PTPN12: variants seen among roughly 807,000 people sequenced by gnomAD.
PTPN12 encodes the protein protein tyrosine phosphatase non-receptor type 12.
PTPN12 carries 29 observed loss-of-function variants against 97.6 expected under a neutral mutation model. The observed-to-expected ratio is 0.30, with a 90% CI of 0.22 to 0.41. The LOEUF is 0.41. PTPN12 is among the 10% of genes least tolerant of loss of function. The pLI is 1.00. For missense variants in PTPN12, 819 were observed against 926.0 expected (o/e 0.88, Z 1.50); for synonymous variants, 327 against 300.4 (o/e 1.09, Z -0.91).
At chr7:77,566,018 G>A (rs1324572364) in intron 1 of PTPN12, among the ~76,000 whole-genome samples, 1 of 152,218 alleles carries the variant, frequency 6.6e-6, no homozygotes, top group South Asian at 2.1e-4. Flanking sequence ...ATAGAACAAT[G>A]TGTTATGGAC....
intron 11 of PTPN12, among the ~76,000 whole-genome samples, chr7:77,617,366 CTG>C (rs1788787296): frequency 6.6e-6 from 1 of 152,120 alleles, no homozygotes; most frequent in African/African-American, 2.4e-5. Flanking sequence ...TGACATAACT[CTG>C]TTGTTCTTGT....
At chr7:77,609,396 C>G (rs944199166) in intron 9 of PTPN12, among the ~76,000 whole-genome samples, 2 of 150,542 alleles carry the variant, frequency 1.3e-5, no homozygotes, top group East Asian at 2.1e-4. Context: ...CTTAGTCTCC[C>G]GAGTAGCTGG....
chr7:77,590,788 TCCTTG>T (rs528716823), intron 5 of PTPN12, among the ~76,000 whole-genome samples: 263 of 152,204 alleles, frequency 1.7e-3, no homozygotes, highest in Non-Finnish European at 3.2e-3. Flanking sequence ...GGTCTTGAAC[TCCTTG>T]CCTTAAGTCA....
intron 8 of PTPN12, among the ~76,000 whole-genome samples, chr7:77,605,409 G>GTTTGTTTTTTTTTTTTTTT (rs1554321238): frequency 3.1e-5 from 3 of 95,558 alleles, no homozygotes; most frequent in African/African-American, 1.2e-4. Flanking sequence ...TTTGTCATGA[G>GTTTGTTTTTTTTTTTTTTT]TTTTTTTTTT....
At chr7:77,555,651 A>G (rs1687535885) in intron 1 of PTPN12, among the ~76,000 whole-genome samples, 2 of 152,164 alleles carry the variant, frequency 1.3e-5, no homozygotes, top group Admixed American at 1.3e-4. Context: ...ACGGTGGCTC[A>G]CGCCTGTAAT....
rs908962896 is a variant in PTPN12, at chr7:77,638,941, T to A, written c.2281+210T>A. 5.5e-6 allele frequency: 5 copies of A among 910,194 alleles called. No individual in the cohort carries two copies. In the East Asian group the frequency reaches 9.1e-5, roughly 16 times the overall value. The allele number at this position is 910,194 out of a possible 1,614,324, so 56.4% of individuals were successfully genotyped here. On this transcript the variant is annotated intron_variant, in intron 17 of 17. Transcript: ENST00000248594. ...GAAAACTGCAGTATAAAAAATCTTT[T>A]GTGTTGGAAAGACTAAATTATCATG...
intron 3 of PTPN12, 64 bp downstream of exon 3, chr7:77,581,567 TAAAA>T: frequency 9.7e-7 from 1 of 1,032,996 alleles, no homozygotes; most frequent in South Asian, 1.7e-5. Flanking sequence ...ACTAGTTTTG[TAAAA>T]ACTTTTTGAA....
In PTPN12 at chr7:77,632,439, T is replaced by C. The variant is rs1789431138; in HGVS notation, c.2074+14T>C. 6.3e-7 allele frequency: 1 copy of C among 1,583,340 alleles called. No individual in the cohort carries two copies. The highest frequency in any genetic ancestry group is 1.3e-5 in the African/African-American group (1 of 74,380). On this transcript the variant is annotated intron_variant, in intron 14 of 17. Transcript: ENST00000248594. The stretch of plus-strand genomic sequence containing the variant: ...CAAGTGAACATAGTGAGTGTCTCTT[T>C]TGCTTTTACATTTACTTCATATTCT...
chr7:77,600,911 C>T (rs1244617425), intron 8 of PTPN12, 105 bp downstream of exon 8: 2 of 1,030,438 alleles, frequency 1.9e-6, no homozygotes, highest in African/African-American at 3.2e-5. Context: ...TTCTCCTAGC[C>T]TTGATACAAT....
intron 1 of PTPN12, chr7:77,537,976 G>GT: frequency 2.5e-6 from 2 of 798,086 alleles, no homozygotes; most frequent in Non-Finnish European, 2.9e-6. Context: ...TGAGGTGCAG[G>GT]CCGGGGGGGG....
Position 77,626,791 on chromosome 7 carries a change from C to T in PTPN12, c.1112C>T (p.Pro371Leu). Residue 371 changes from proline (P) to leucine (L), a missense_variant, in exon 13 of 18, where the codon CCT becomes CTT. Physicochemically the swap from Pro to Leu is moderately conservative, Grantham distance 98. Transcript: ENST00000248594. ...PVPPILTPSP[P>L]SAFPTVTTVW... ...CCACCCATCTTGACACCTTCTCCCC[C>T]TTCAGCTTTTCCAACAGTCACTACT... 3 of 1,614,054 alleles carry T rather than the reference C, an allele frequency of 1.9e-6. No individual in the cohort carries two copies. The South Asian group carries it at 3.3e-5, about 18-fold the overall frequency.
intron 8 of PTPN12, among the ~76,000 whole-genome samples, chr7:77,604,510 A>T (rs1972568): frequency 3.3e-5 from 5 of 151,820 alleles, no homozygotes; most frequent in Non-Finnish European, 7.4e-5. Context: ...CACTGCGCCC[A>T]GCCTCATCTT....
At chr7:77,554,692 G>T (rs973938835) in intron 1 of PTPN12, among the ~76,000 whole-genome samples, 15 of 152,176 alleles carry the variant, frequency 9.9e-5, no homozygotes, top group Admixed American at 9.2e-4. Flanking sequence ...AATCTTTTCT[G>T]GGGGACAGGG....
intron 1 of PTPN12, among the ~76,000 whole-genome samples, chr7:77,549,589 T>A (rs1307587836): frequency 6.6e-6 from 1 of 151,848 alleles, no homozygotes; most frequent in Non-Finnish European, 1.5e-5. Context: ...TTTGTTTTTT[T>A]TTTTTTTAAG....
intron 1 of PTPN12, among the ~76,000 whole-genome samples, chr7:77,551,445 T>G (rs1485383219): frequency 6.6e-6 from 1 of 152,228 alleles, no homozygotes; most frequent in Non-Finnish European, 1.5e-5. Context: ...CTTTAATTTT[T>G]CAGTCAGAAT....
intron 11 of PTPN12, among the ~76,000 whole-genome samples, chr7:77,611,944 T>G (rs1788582999): frequency 6.6e-6 from 1 of 152,150 alleles, no homozygotes; most frequent in African/African-American, 2.4e-5. Context: ...CTTGCTTCAA[T>G]TCTATATATA....
At chr7:77,589,530 T>C (rs1787799062) in intron 5 of PTPN12, among the ~76,000 whole-genome samples, 1 of 152,138 alleles carries the variant, frequency 6.6e-6, no homozygotes, top group South Asian at 2.1e-4. Flanking sequence ...AAATTATCTT[T>C]AGTTTGTAAA....
Position 77,632,388 on chromosome 7 carries a change from A to G in PTPN12, c.2037A>G (p.Glu679=). The change falls in exon 14 of 18, where the codon GAA becomes GAG. Residue 679 remains glutamate (E), a synonymous_variant. Transcript: ENST00000248594. ...AAGATTCACCTCCTCCCCTACCTGA[A>G]AGAACTCCTGAATCGTTTGTGTTAG... ...VSEDSPPPLP[E]RTPESFVLAS... The G allele has an allele frequency of 6.2e-7, 1 of 1,611,628 alleles. No individual in the cohort carries two copies. Among genetic ancestry groups the G allele is most frequent in the South Asian group, 1.1e-5 (1 of 91,006 alleles).
At chr7:77,577,276 C>T (rs1359902042) in intron 2 of PTPN12, among the ~76,000 whole-genome samples, 1 of 152,158 alleles carries the variant, frequency 6.6e-6, no homozygotes, top group Non-Finnish European at 1.5e-5. Flanking sequence ...ACTGCCATCT[C>T]AGTTTTGTGA....
Sources: gnomAD v4.1 joint callset for allele counts (sites outside exome capture counted in the v4.1 genomes callset) on GRCh38, gnomAD v4.1.1 for gene constraint, MANE v1.5 for transcripts, NCBI Gene and HGNC (gene_info 2026-07-23, HGNC 2026-07-21) for gene names.